CILK1: variants seen among roughly 807,000 people sequenced by gnomAD.
The protein encoded by CILK1 is ciliogenesis associated kinase 1.
In CILK1, 47 loss-of-function variants were observed where a neutral mutation model predicts 79.2. The observed-to-expected ratio is 0.59, with a 90% CI of 0.47 to 0.76. CILK1 has a LOEUF of 0.76. Ranked by LOEUF, CILK1 falls within the 30% of genes least tolerant of loss-of-function variation. CILK1 has a pLI of 0.00. For missense variants in CILK1, 660 were observed against 769.5 expected (o/e 0.86, Z 1.68); for synonymous variants, 266 against 275.9 (o/e 0.96, Z 0.36).
chr6:53,052,294 A>C (rs2397137), intron 1 of CILK1, among the ~76,000 whole-genome samples: 1,856 of 152,264 alleles, frequency 0.012, 35 homozygotes, highest in East Asian at 0.065. Flanking sequence ...TTATCCAAGC[A>C]TACTTCTAAC....
intron 5 of CILK1, among the ~76,000 whole-genome samples, chr6:53,030,799 C>A (rs1472545967): frequency 6.6e-6 from 1 of 152,122 alleles, no homozygotes; most frequent in African/African-American, 2.4e-5. Context: ...ACATACTACT[C>A]AATGGTCAGA....
At chr6:53,018,198 G>A (rs2127418160) in intron 7 of CILK1, 132 bp downstream of exon 7, 2 of 867,586 alleles carry the variant, frequency 2.3e-6, no homozygotes, top group East Asian at 4.8e-5. Context: ...GGGCAGTGGA[G>A]AATGACTGAG....
At chr6:53,036,845 T>C (rs1334779132) in intron 3 of CILK1, among the ~76,000 whole-genome samples, 1 of 152,208 alleles carries the variant, frequency 6.6e-6, no homozygotes, top group Admixed American at 6.5e-5. Flanking sequence ...TTCTTCTCAC[T>C]GGAAGACCTC....
At position 53,005,153 on chromosome 6, in the gene CILK1, C is replaced by T. The variant is rs893035689; in HGVS notation, c.1895G>A (p.Arg632Gln). ...TDWASKYASR[R>Q] The stretch of plus-strand genomic sequence containing the variant: ...ATTCATCACCAAGGCAGACAGTCAT[C>T]GCCGAGATGCGTACTTGGAAGCCCA... Residue 632 changes from arginine to glutamine, a missense_variant, in exon 14 of 14, where the codon CGA (arginine) becomes CAA (glutamine). Physicochemically the swap from Arg to Gln is conservative, Grantham distance 43. Transcript: ENST00000676107. The T allele has an allele frequency of 8.7e-6, 14 of 1,614,010 alleles. No homozygotes were observed. The highest frequency in any genetic ancestry group is 4.0e-5 in the African/African-American group (3 of 74,926).
At chr6:53,046,801 A>AAAAAATGTAGAAACTG (rs1288485063) in intron 1 of CILK1, among the ~76,000 whole-genome samples, 2 of 152,238 alleles carry the variant, frequency 1.3e-5, no homozygotes, top group African/African-American at 2.4e-5. Flanking sequence ...ACAGATACAC[A>AAAAAATGTAGAAACTG]AAAAATGTAG....
chr6:53,043,957 G>T (rs984459652), intron 1 of CILK1, among the ~76,000 whole-genome samples: 3 of 152,004 alleles, frequency 2.0e-5, no homozygotes, highest in South Asian at 2.1e-4. Flanking sequence ...AGGGCAAATG[G>T]GGTTCTAGCA....
rs1382098133 is a variant in CILK1, at chr6:53,006,304, A to G, written c.1744+11T>C. 1 of 1,612,974 alleles carries G rather than the reference A, an allele frequency of 6.2e-7. No homozygotes were observed. The highest frequency in any genetic ancestry group is 8.5e-7 in the Non-Finnish European group (1 of 1,179,120). On this transcript the variant is annotated intron_variant, in intron 13 of 13. Coordinates refer to ENST00000676107, the MANE Select transcript of CILK1 (RefSeq NM_014920.5). The stretch of plus-strand genomic sequence containing the variant: ...TGAGTAAATTCATGAATAATTTAAA[A>G]TACAACTCACCAGGGGAAGGGTCTG...
chr6:53,037,998 A>G lies in CILK1; in HGVS notation c.102-5T>C, dbSNP rs777349429. The stretch of plus-strand genomic sequence containing the variant: ...GAATAAAATTTTCTTTTCATTCTAG[A>G]AGAGAAGAAAGAAACAAACAGCACA... On this transcript the variant is annotated splice_region_variant and splice_polypyrimidine_tract_variant and intron_variant, in intron 2 of 13. Coordinates refer to ENST00000676107, the MANE Select transcript of CILK1 (RefSeq NM_014920.5). 6.3e-7 allele frequency: 1 copy of G among 1,588,604 alleles called. No individual in the cohort carries two copies. The highest frequency in any genetic ancestry group is 8.6e-7 in the Non-Finnish European group (1 of 1,156,844).
intron 5 of CILK1, among the ~76,000 whole-genome samples, chr6:53,023,445 A>G (rs899720250): frequency 2.0e-5 from 3 of 152,178 alleles, no homozygotes; most frequent in African/African-American, 7.2e-5. Flanking sequence ...AGAGCAAACC[A>G]GAGCTGTGAG....
At chr6:53,025,449 C>T (rs922971299) in intron 5 of CILK1, among the ~76,000 whole-genome samples, 2 of 152,202 alleles carry the variant, frequency 1.3e-5, no homozygotes, top group African/African-American at 4.8e-5. Context: ...TGTAGTCATG[C>T]TCCTGTAAAC....
At chr6:53,030,431 G>T (rs555470865) in intron 5 of CILK1, among the ~76,000 whole-genome samples, 1 of 152,250 alleles carries the variant, frequency 6.6e-6, no homozygotes, top group South Asian at 2.1e-4. Flanking sequence ...TTTTACCTAT[G>T]TGTGTTGTAA....
chr6:53,012,607 C>T (rs1472444017), intron 9 of CILK1, among the ~76,000 whole-genome samples: 1 of 152,178 alleles, frequency 6.6e-6, no homozygotes, highest in African/African-American at 2.4e-5. Flanking sequence ...TGTCCTTTTA[C>T]AGAAATCAAT....
intron 5 of CILK1, among the ~76,000 whole-genome samples, chr6:53,029,702 G>A (rs1052204724): frequency 1.3e-5 from 2 of 152,124 alleles, no homozygotes; most frequent in Admixed American, 6.5e-5. Flanking sequence ...GGCCAGCCTG[G>A]GCAGCATATT....
At chr6:53,042,078 T>A (rs1417223826) in intron 1 of CILK1, among the ~76,000 whole-genome samples, 1 of 152,188 alleles carries the variant, frequency 6.6e-6, no homozygotes, top group Admixed American at 6.5e-5. Context: ...CAAAATTGGT[T>A]TTGTTATATG....
Position 53,019,276 on chromosome 6 carries a change from G to A in CILK1, c.442C>T (p.Arg148Ter), listed in dbSNP as rs762495550. 6 of 1,613,878 alleles carry A rather than the reference G, an allele frequency of 3.7e-6. No homozygotes were observed. The highest frequency in any genetic ancestry group is 3.3e-4 in the Middle Eastern group (2 of 6,062). The part of the protein sequence containing the change: ...LVKIADFGLA[R>*]EIRSKPPYTD... Reference sequence around the variant, plus strand: ...TATGGAGGTTTTGATCGTATTTCTCGGGCCAAACCAAAGTCTGCAATTTTC... The same window carrying A: ...TATGGAGGTTTTGATCGTATTTCTCAGGCCAAACCAAAGTCTGCAATTTTC... The change falls in exon 6 of 14, where the codon CGA (arginine) becomes TGA (stop). Residue 148 changes from arginine to a stop codon, truncating the protein, a stop_gained. Transcript: ENST00000676107. LOFTEE classifies it high-confidence loss of function.
intron 3 of CILK1, among the ~76,000 whole-genome samples, chr6:53,036,309 G>A (rs187068153): frequency 8.2e-4 from 124 of 151,982 alleles, no homozygotes; most frequent in Non-Finnish European, 1.4e-3. Context: ...TGATGTTTTC[G>A]GATCATCTCA....
Position 53,016,204 on chromosome 6 carries a change from CG to C in CILK1, c.709del (p.Arg237ValfsTer10), listed in dbSNP as rs1562010526. The part of the protein sequence containing the change: ...GYQLSSAMNF[R>X]WPQCVPNNLK... ...GTTATTGGGTACACACTGTGGCCAA[CG>C]GAAGTTCATTGCACTTGAAAGTTGA... On this transcript the variant is annotated frameshift_variant, in exon 8 of 14. Coordinates refer to ENST00000676107, the MANE Select transcript of CILK1 (RefSeq NM_014920.5). LOFTEE classifies it high-confidence loss of function. 1.2e-6 allele frequency: 2 copies of C among 1,613,886 alleles called. No individual in the cohort carries two copies. The highest frequency in any genetic ancestry group is 1.3e-5 in the African/African-American group (1 of 74,890).
chr6:53,014,531 G>A (rs1764782094), intron 8 of CILK1, among the ~76,000 whole-genome samples: 1 of 152,166 alleles, frequency 6.6e-6, no homozygotes, highest in African/African-American at 2.4e-5. Flanking sequence ...GAGTTTTCTG[G>A]ATAGCCAAGA....
intron 9 of CILK1, among the ~76,000 whole-genome samples, chr6:53,012,698 T>G (rs1443704451): frequency 6.6e-6 from 1 of 152,198 alleles, no homozygotes; most frequent in African/African-American, 2.4e-5. Flanking sequence ...AACAGGACAT[T>G]TCCATACACA....
Sources: gnomAD v4.1 joint callset for allele counts (sites outside exome capture counted in the v4.1 genomes callset) on GRCh38, gnomAD v4.1.1 for gene constraint, MANE v1.5 for transcripts, NCBI Gene and HGNC (gene_info 2026-07-23, HGNC 2026-07-21) for gene names.